The following MYBBP1A variants were observed in gnomAD, a reference collection of about 807,000 sequenced individuals.
The protein encoded by MYBBP1A is myb-binding protein 1A.
A neutral mutation model predicts 136.3 loss-of-function variants in MYBBP1A; 147 were observed. The observed-to-expected ratio is 1.08, with a 90% confidence interval of 0.94 to 1.24. The LOEUF (loss-of-function observed/expected upper bound fraction) is 1.24. Ranked by LOEUF, MYBBP1A falls within the 50% of genes most tolerant of loss-of-function variation. MYBBP1A has a pLI of 0.00. For synonymous variants in MYBBP1A, 947 were observed against 735.8 expected, an observed-to-expected ratio of 1.29 and a Z score of -4.65; for missense variants, 2,060 against 1,727.4, an observed-to-expected ratio of 1.19 and a Z score of -3.41.
At position 4,548,421 on chromosome 17, in the gene MYBBP1A, C is replaced by T; in HGVS notation, c.1556+103G>A. 6.2e-7 allele frequency: 1 copy of T among 1,606,100 alleles called. No homozygotes were observed. The highest frequency in any genetic ancestry group is 8.5e-7 in the Non-Finnish European group (1 of 1,174,930). On this transcript the variant is annotated intron_variant, in intron 11 of 25. Coordinates refer to ENST00000254718, the MANE Select transcript of MYBBP1A (RefSeq NM_014520.4). This position sits in a 1 kb window ranked among gnomAD's most constrained non-coding sequence, Gnocchi z 4.2. ...CGCCTCTCCAGGACCTACTAGAACT[C>T]CGGGGGCCTCTGCCGTTGTTCCCAG...
chr17:4,555,384 C>T lies in MYBBP1A; in HGVS notation c.-60G>A, dbSNP rs563603062. 2.8e-4 allele frequency: 440 copies of T among 1,543,894 alleles called. 3 individuals carry two copies. The South Asian group carries it at 5.0e-3, about 18-fold the overall frequency. On this transcript the variant is annotated 5_prime_UTR_variant, in exon 1 of 26. Coordinates refer to ENST00000254718, the MANE Select transcript of MYBBP1A (RefSeq NM_014520.4). The stretch of plus-strand genomic sequence containing the variant: ...GCTCCGGCCCCAGCCGCTTCCAGGT[C>T]AGGGCACGGCGCATGCGCACCGGTT...
chr17:4,542,052 G>A (rs1567604010), intron 22 of MYBBP1A, 161 bp from the exon 23 acceptor site: 5 of 618,784 alleles, frequency 8.1e-6, no homozygotes, highest in Non-Finnish European at 8.5e-6. Flanking sequence ...GTGCCTTTGT[G>A]TGCAGGTGGG....
chr17:4,545,767 A>AGAGG lies in MYBBP1A; in HGVS notation c.1922-10_1922-7dup, dbSNP rs1206597080. On this transcript the variant is annotated splice_polypyrimidine_tract_variant and splice_region_variant and intron_variant, in intron 14 of 25. Transcript: ENST00000254718. ...CCACGGGGGTTCCTGGGGGTCTGCA[A>AGAGG]GAGGGAGGGGTTGAGCCCGGATAGG... The AGAGG allele has an allele frequency of 1.2e-6, 2 of 1,606,282 alleles. No individual in the cohort carries two copies. Among genetic ancestry groups the AGAGG allele is most frequent in the Non-Finnish European group, 1.7e-6 (2 of 1,175,430 alleles).
In MYBBP1A at chr17:4,545,347, TG is replaced by T; in HGVS notation, c.2074-3del. The T allele has an allele frequency of 6.2e-7, 1 of 1,612,888 alleles. No individual in the cohort carries two copies. Among genetic ancestry groups the T allele is most frequent in the Non-Finnish European group, 8.5e-7 (1 of 1,179,910 alleles). ...CTCACTGGTCTCGGGGTTCAGCACC[TG>T]GGGAGGGGTGCCAGCCACTGACCCA... On this transcript the variant is annotated splice_region_variant and splice_polypyrimidine_tract_variant and intron_variant, in intron 15 of 25. Transcript: ENST00000254718.
In MYBBP1A at chr17:4,539,658, G is replaced by A; in HGVS notation, c.3744C>T (p.Ser1248=). The A allele has an allele frequency of 6.2e-6, 10 of 1,611,816 alleles. No homozygotes were observed. Among genetic ancestry groups the A allele is most frequent in the Non-Finnish European group, 8.5e-6 (10 of 1,178,420 alleles). The change falls in exon 26 of 26, where the codon TCC becomes TCT. Residue 1248 remains serine, a synonymous_variant. Coordinates refer to ENST00000254718, the MANE Select transcript of MYBBP1A (RefSeq NM_014520.4). ...TCTGGTTTTTCTTCTGCAGTTTTGGGGATTTGGCAGGGGTGCTGGGGCTCC... is the reference window on the plus strand; with the variant it reads ...TCTGGTTTTTCTTCTGCAGTTTTGGAGATTTGGCAGGGGTGCTGGGGCTCC... ...PTRSPSTPAK[S]PKLQKKNQKP...
At position 4,552,754 on chromosome 17, in the gene MYBBP1A, A is replaced by C. The variant is rs1241180679; in HGVS notation, c.562-128T>G. On this transcript the variant is annotated intron_variant, in intron 5 of 25. Coordinates refer to ENST00000254718, the MANE Select transcript of MYBBP1A (RefSeq NM_014520.4). The surrounding 1 kb of genome is among the most constrained non-coding windows in gnomAD (Gnocchi z 4.7). ...AGTCATCAGAGGCCAGTTGCTAACA[A>C]AACTCAAATTCCCAGGCAGCGGGGT... 3.6e-6 allele frequency: 3 copies of C among 841,326 alleles called. No individual in the cohort carries two copies. The highest frequency in any genetic ancestry group is 5.4e-6 in the Non-Finnish European group (3 of 560,418). The allele number at this position is 841,326 out of a possible 1,614,324, so 52.1% of individuals were successfully genotyped here. A position where few individuals can be genotyped will look rare whatever the true frequency, so the allele number is the denominator to read the frequency against.
chr17:4,551,696 C>CAAAACTTCA (rs1427770740), intron 8 of MYBBP1A, among the ~76,000 whole-genome samples, 184 bp downstream of exon 8: 4 of 151,652 alleles, frequency 2.6e-5, no homozygotes, highest in African/African-American at 9.7e-5. Context: ...GCGACAAGAG[C>CAAAACTTCA]AAAACTTCAT....
In MYBBP1A at chr17:4,548,717, A is replaced by T; in HGVS notation, c.1431-68T>A. The T allele has an allele frequency of 6.3e-7, 1 of 1,598,312 alleles. No individual in the cohort carries two copies. Among genetic ancestry groups the T allele is most frequent in the Non-Finnish European group, 8.5e-7 (1 of 1,170,492 alleles). ...GGTTTTTACAGGCTCCCCTCCTTGG[A>T]TGGTACCACCGAGGGTACAAGGCCA... On this transcript the variant is annotated intron_variant, in intron 10 of 25. Transcript: ENST00000254718. The surrounding 1 kb of genome is among the most constrained non-coding windows in gnomAD (Gnocchi z 4.2).
rs1906176661 is a variant in MYBBP1A at position 4,539,734 on chromosome 17, T to G, written c.3668A>C (p.Gln1223Pro). The G allele has an allele frequency of 2.5e-6, 4 of 1,610,470 alleles. No homozygotes were observed. Among genetic ancestry groups the G allele is most frequent in the African/African-American group, 1.3e-5 (1 of 74,694 alleles). ...CTTGGTGGTTGGCGTCCCGTTTGCCTGGGCTGGGACCTTAGCCTTTGTCCT... is the reference window on the plus strand; with the variant it reads ...CTTGGTGGTTGGCGTCCCGTTTGCCGGGGCTGGGACCTTAGCCTTTGTCCT... ...RNRTKAKVPAQANGTPTTKSP... is the reference protein window; with the variant it reads ...RNRTKAKVPAPANGTPTTKSP... The change falls in exon 26 of 26, where the codon CAG (glutamine) becomes CCG (proline). Residue 1223 changes from glutamine to proline, a missense_variant. Transcript: ENST00000254718.
At position 4,544,536 on chromosome 17, in the gene MYBBP1A, G is replaced by C. The variant is rs1567606584; in HGVS notation, c.2592C>G (p.Ser864Arg). The C allele has an allele frequency of 4.5e-6, 7 of 1,555,884 alleles. No individual in the cohort carries two copies. Among genetic ancestry groups the C allele is most frequent in the Non-Finnish European group, 6.1e-6 (7 of 1,150,284 alleles). ...GCAGAAGGTCCTGCTCCTGTTTGGAGCTGCTGCTGCGCAGGCTGCGCCGGA... is the reference window on the plus strand; with the variant it reads ...GCAGAAGGTCCTGCTCCTGTTTGGACCTGCTGCTGCGCAGGCTGCGCCGGA... Reference protein sequence around the residue: ...SIIRRSLRSSSSKQEQDLLHK... With the variant: ...SIIRRSLRSSRSKQEQDLLHK... Residue 864 changes from serine to arginine, a missense_variant, in exon 19 of 26, where the codon AGC becomes AGG. Transcript: ENST00000254718.
At chr17:4,545,196 C>A (rs199732421) in intron 16 of MYBBP1A, 21 bp from the exon 17 acceptor site, 3 of 1,613,120 alleles carry the variant, frequency 1.9e-6, no homozygotes, top group East Asian at 4.5e-5. Flanking sequence ...GAGGCAGGCG[C>A]GTCACACACC....
chr17:4,554,332 C>A (rs139229771), intron 2 of MYBBP1A, 54 bp from the exon 3 acceptor site: 1 of 1,507,088 alleles, frequency 6.6e-7, no homozygotes, highest in South Asian at 1.1e-5. Flanking sequence ...GGCCCAACTA[C>A]GTCTTCACAA....
chr17:4,551,891 A>G lies in MYBBP1A; in HGVS notation c.1012T>C (p.Cys338Arg). ...DVIRHYGEHV[C>R]TAKLPKQFKF... ...CGGGCATTACCCACCTTAGCAGTGCACACGTGCTCCCCGTAATGGCGGATC... is the reference window on the plus strand; with the variant it reads ...CGGGCATTACCCACCTTAGCAGTGCGCACGTGCTCCCCGTAATGGCGGATC... Residue 338 changes from cysteine (C) to arginine (R), a missense_variant, in exon 8 of 26, where the codon TGC (cysteine) becomes CGC (arginine). Physicochemically the swap from Cys to Arg is radical, Grantham distance 180. Transcript: ENST00000254718. The G allele has an allele frequency of 6.2e-7, 1 of 1,613,368 alleles. No individual in the cohort carries two copies.
intron 5 of MYBBP1A, among the ~76,000 whole-genome samples, chr17:4,553,543 CAAAA>C: frequency 6.6e-6 from 1 of 152,280 alleles, no homozygotes; most frequent in Middle Eastern, 3.4e-3. Context: ...AGACACCTGA[CAAAA>C]AGAGTGTAAG....
rs1462112545 is a variant in MYBBP1A, at chr17:4,538,948, T to C, written c.*467A>G. On this transcript the variant is annotated 3_prime_UTR_variant, in exon 26 of 26. Transcript: ENST00000254718. Reference sequence around the variant, plus strand: ...GAAGCCAAACTGCTCCTTTATTTTTTAGAGCTGCTGATTGTGAATCTCAGA... The same window carrying C: ...GAAGCCAAACTGCTCCTTTATTTTTCAGAGCTGCTGATTGTGAATCTCAGA... 2 of 784,570 alleles carry C rather than the reference T, an allele frequency of 2.5e-6. No individual in the cohort carries two copies. The highest frequency in any genetic ancestry group is 4.7e-6 in the Non-Finnish European group (2 of 421,410). The allele number at this position is 784,570 out of a possible 1,614,324, so 48.6% of individuals were successfully genotyped here.
At chr17:4,547,656 CAGTGCAA>C in intron 13 of MYBBP1A, 4 of 331,886 alleles carry the variant, frequency 1.2e-5, no homozygotes, top group Non-Finnish European at 2.2e-5. Context: ...GCAGGGGGTA[CAGTGCAA>C]GCTCCTTTGC....
At chr17:4,547,872 G>T in intron 13 of MYBBP1A, 86 bp downstream of exon 13, 1 of 1,184,932 alleles carries the variant, frequency 8.4e-7, no homozygotes, top group Non-Finnish European at 1.1e-6. Context: ...CTGGAAACCC[G>T]CACAGCCCTC....
intron 13 of MYBBP1A, among the ~76,000 whole-genome samples, chr17:4,547,166 C>T (rs116490581): frequency 1.3e-5 from 2 of 152,000 alleles, no homozygotes; most frequent in Non-Finnish European, 2.9e-5. Flanking sequence ...CCTTGGTCTC[C>T]GGAAGTACTG....
intron 13 of MYBBP1A, among the ~76,000 whole-genome samples, chr17:4,546,800 CA>C (rs1907056015): frequency 6.6e-6 from 1 of 152,160 alleles, no homozygotes; most frequent in Admixed American, 6.5e-5. Context: ...ATGCAGTCGG[CA>C]GCTTGAACGT....
Sources: gnomAD v4.1 joint callset for allele counts (sites outside exome capture counted in the v4.1 genomes callset) on GRCh38, gnomAD v4.1.1 for gene constraint, Gnocchi (gnomAD v3.1) non-coding constraint, MANE v1.5 for transcripts, NCBI Gene and HGNC (gene_info 2026-07-23, HGNC 2026-07-21) for gene names.